Variants in CSNK1G1 observed in about 807,000 individuals in gnomAD.
The protein encoded by CSNK1G1 is casein kinase I isoform gamma-1.
A neutral mutation model predicts 59.6 loss-of-function variants in CSNK1G1; 22 were observed. The ratio of observed to expected loss-of-function variants is 0.37; its 90% CI spans 0.26 to 0.53. The LOEUF is 0.53. CSNK1G1 is among the 20% of genes least tolerant of loss of function. The pLI is 0.89. For synonymous variants in CSNK1G1, 179 were observed against 177.1 expected, an observed-to-expected ratio of 1.01 and a Z score of -0.08; for missense variants, 384 against 519.5, an observed-to-expected ratio of 0.74 and a Z score of 2.54.
chr15:64,296,270 A>G (rs990430653), intron 2 of CSNK1G1, among the ~76,000 whole-genome samples: 1 of 152,010 alleles, frequency 6.6e-6, no homozygotes, highest in Non-Finnish European at 1.5e-5. Flanking sequence ...ACAGGTGCAT[A>G]CCACCACACC....
intron 3 of CSNK1G1, among the ~76,000 whole-genome samples, chr15:64,252,651 T>A (rs1033666366): frequency 6.6e-6 from 1 of 152,218 alleles, no homozygotes; most frequent in African/African-American, 2.4e-5. Context: ...TTTAGGAACA[T>A]CCTTATGTAT....
At chr15:64,178,482 CTTT>C (rs1175775132) in intron 11 of CSNK1G1, among the ~76,000 whole-genome samples, 11 of 123,754 alleles carry the variant, frequency 8.9e-5, no homozygotes, top group African/African-American at 9.3e-5. Flanking sequence ...CAAAAATTTT[CTTT>C]TTTTTTTTTT....
intron 4 of CSNK1G1, among the ~76,000 whole-genome samples, chr15:64,233,186 G>A (rs1285403865): frequency 6.6e-6 from 1 of 152,134 alleles, no homozygotes; most frequent in Non-Finnish European, 1.5e-5. Context: ...AAAATGATGC[G>A]CTGAAAAGGT....
At chr15:64,182,797 T>C (rs1047755246) in intron 10 of CSNK1G1, among the ~76,000 whole-genome samples, 5 of 152,216 alleles carry the variant, frequency 3.3e-5, no homozygotes, top group African/African-American at 1.2e-4. Context: ...CAAGAGTTTA[T>C]TGCATTTCCC....
At chr15:64,186,171 A>G (rs1445123412) in intron 10 of CSNK1G1, among the ~76,000 whole-genome samples, 1 of 152,028 alleles carries the variant, frequency 6.6e-6, no homozygotes, top group African/African-American at 2.4e-5. Context: ...CAGGGGCGCA[A>G]TCTCAGCTCA....
At chr15:64,265,294 C>A (rs1892916359) in intron 2 of CSNK1G1, among the ~76,000 whole-genome samples, 1 of 152,092 alleles carries the variant, frequency 6.6e-6, no homozygotes, top group East Asian at 1.9e-4. Context: ...GGCTGTGTCC[C>A]CACCCAAATC....
chr15:64,238,130 T>G (rs114205443), intron 4 of CSNK1G1, among the ~76,000 whole-genome samples: 2,723 of 152,164 alleles, frequency 0.018, 81 homozygotes, highest in African/African-American at 0.061. Flanking sequence ...ATCTTGCTCT[T>G]TCACTGGGGG....
chr15:64,188,463 C>T lies in CSNK1G1; in HGVS notation c.1108-8009G>A. 6.5e-7 allele frequency: 1 copy of T among 1,536,136 alleles called. No homozygotes were observed. The highest frequency in any genetic ancestry group is 8.7e-7 in the Non-Finnish European group (1 of 1,146,912). ...CCGGCTGGGCTGAATTTCCCACTCT[C>T]CTCGGCGCTCTGATGATACATTCTG... On this transcript the variant is annotated intron_variant, in intron 10 of 11. Coordinates refer to ENST00000303052, the MANE Select transcript of CSNK1G1 (RefSeq NM_022048.5). The surrounding 1 kb of genome is among the most constrained non-coding windows in gnomAD (Gnocchi z 4.2).
At chr15:64,319,905 A>G (rs887135280) in intron 1 of CSNK1G1, among the ~76,000 whole-genome samples, 2 of 150,004 alleles carry the variant, frequency 1.3e-5, no homozygotes, top group Non-Finnish European at 3.0e-5. Flanking sequence ...TGACTGCCTA[A>G]GTAGATCAGG....
At chr15:64,234,205 C>A (rs1259258998) in intron 4 of CSNK1G1, among the ~76,000 whole-genome samples, 1 of 151,996 alleles carries the variant, frequency 6.6e-6, no homozygotes, top group Non-Finnish European at 1.5e-5. Flanking sequence ...TTTTCAAACA[C>A]CCCCCTCACC....
At chr15:64,282,770 C>T (rs538092735) in intron 2 of CSNK1G1, among the ~76,000 whole-genome samples, 1 of 152,180 alleles carries the variant, frequency 6.6e-6, no homozygotes, top group East Asian at 1.9e-4. Flanking sequence ...TTTACATTCC[C>T]AAGAGCAGTG....
chr15:64,223,204 T>C (rs981379642), intron 4 of CSNK1G1, among the ~76,000 whole-genome samples: 5 of 152,022 alleles, frequency 3.3e-5, no homozygotes, highest in Non-Finnish European at 7.4e-5. Context: ...TACCACACAG[T>C]AACGGCTTAT....
chr15:64,314,160 T>C (rs1012251919), intron 1 of CSNK1G1, among the ~76,000 whole-genome samples: 3 of 152,140 alleles, frequency 2.0e-5, no homozygotes, highest in Admixed American at 1.3e-4. Flanking sequence ...GGCTGGAGTG[T>C]AGTGCCTGTT....
At chr15:64,319,528 T>C (rs1482953058) in intron 1 of CSNK1G1, among the ~76,000 whole-genome samples, 5 of 152,148 alleles carry the variant, frequency 3.3e-5, no homozygotes, top group African/African-American at 1.2e-4. Flanking sequence ...TATTATAAGC[T>C]TATTTCAGTT....
At chr15:64,184,649 C>G (rs1000930934) in intron 10 of CSNK1G1, among the ~76,000 whole-genome samples, 1 of 150,480 alleles carries the variant, frequency 6.6e-6, no homozygotes, top group Non-Finnish European at 1.5e-5. Flanking sequence ...TGCACCCCAG[C>G]CTGGACAACA....
At chr15:64,238,246 G>A (rs980251332) in intron 4 of CSNK1G1, among the ~76,000 whole-genome samples, 3 of 151,486 alleles carry the variant, frequency 2.0e-5, no homozygotes, top group African/African-American at 7.3e-5. Context: ...AATCTGCTGG[G>A]TTTATAGGTA....
intron 2 of CSNK1G1, among the ~76,000 whole-genome samples, chr15:64,263,972 G>A (rs997553488): frequency 1.3e-5 from 2 of 151,992 alleles, no homozygotes; most frequent in Non-Finnish European, 2.9e-5. Context: ...CCAGAGGACA[G>A]TAACGTTTAA....
intron 10 of CSNK1G1, among the ~76,000 whole-genome samples, chr15:64,202,546 C>T (rs1045987407): frequency 6.6e-6 from 1 of 150,706 alleles, no homozygotes; most frequent in African/African-American, 2.4e-5. Flanking sequence ...CAGGCCCACA[C>T]ACTTTTTTTT....
intron 1 of CSNK1G1, among the ~76,000 whole-genome samples, chr15:64,346,823 C>A (rs1898003809): frequency 6.6e-6 from 1 of 151,932 alleles, no homozygotes; most frequent in Admixed American, 6.6e-5. Context: ...TAACTTGGAC[C>A]TTATTAAAAA....
Sources: gnomAD v4.1 joint callset for allele counts (sites outside exome capture counted in the v4.1 genomes callset) on GRCh38, gnomAD v4.1.1 for gene constraint, Gnocchi (gnomAD v3.1) non-coding constraint, MANE v1.5 for transcripts, NCBI Gene and HGNC (gene_info 2026-07-23, HGNC 2026-07-21) for gene names.